MAPK8: variants seen among roughly 807,000 people sequenced by gnomAD.
MAPK8 encodes the protein mitogen-activated protein kinase 8, also known as JUN N-terminal kinase.
Under a neutral mutation model 52.9 loss-of-function variants are expected in MAPK8, and 13 were observed. That is an observed-to-expected ratio of 0.25 (90% CI 0.16 to 0.39). The LOEUF (loss-of-function observed/expected upper bound fraction) is 0.39, where lower values mean the gene tolerates loss of function less well. Ranked by LOEUF, MAPK8 falls within the 10% of genes least tolerant of loss-of-function variation. The probability of loss-of-function intolerance (pLI) is 1.00; values close to 1 mark genes in which losing one functional copy is unlikely to be tolerated. For missense variants in MAPK8, 300 were observed against 519.2 expected (o/e 0.58, Z 4.10); for synonymous variants, 191 against 169.8 (o/e 1.12, Z -0.97).
In MAPK8 at chr10:48,424,155, G is replaced by C; in HGVS notation, c.684G>C (p.Arg228Ser). The C allele has an allele frequency of 6.2e-7, 1 of 1,612,646 alleles. No individual in the cohort carries two copies. Residue 228 changes from arginine (R) to serine (S), a missense_variant, in exon 7 of 12, where the codon AGG (arginine) becomes AGC (serine). Physicochemically the swap from Arg to Ser is moderately radical, Grantham distance 110. This residue lies in a region of MAPK8 where 147 missense variants were observed against 328.1 expected (regional missense o/e 0.45). Coordinates refer to ENST00000374189, the MANE Select transcript of MAPK8 (RefSeq NM_001323329.2). The part of the protein sequence containing the change: ...MVCHKILFPG[R>S]DYIDQWNKVI... ...GCCACAAAATCCTCTTTCCAGGAAG[G>C]GACTGTATCCTTGTGCTGCTGCAGC... is the stretch of plus-strand genomic sequence containing the variant.
intron 1 of MAPK8, among the ~76,000 whole-genome samples, chr10:48,345,585 C>T (rs890515160): frequency 6.6e-6 from 1 of 152,086 alleles, no homozygotes; most frequent in Non-Finnish European, 1.5e-5. Flanking sequence ...TTTCTGCTTC[C>T]AAAATGGGAT....
chr10:48,328,614 T>C (rs1194181343), intron 1 of MAPK8, among the ~76,000 whole-genome samples: 1 of 152,218 alleles, frequency 6.6e-6, no homozygotes, highest in African/African-American at 2.4e-5. Context: ...TTCTTTCATC[T>C]AAACTTTAAA....
chr10:48,341,398 T>G (rs994537591), intron 1 of MAPK8, among the ~76,000 whole-genome samples: 3 of 152,220 alleles, frequency 2.0e-5, no homozygotes, highest in African/African-American at 7.2e-5. Context: ...TATGAAACTT[T>G]TTGAATGCCA....
intron 1 of MAPK8, among the ~76,000 whole-genome samples, chr10:48,345,008 T>C (rs956589677): frequency 1.3e-5 from 2 of 152,102 alleles, no homozygotes; most frequent in African/African-American, 2.4e-5. Flanking sequence ...TTTAAAAAAA[T>C]CCGTGAATGC....
At chr10:48,333,730 A>G (rs529493858) in intron 1 of MAPK8, among the ~76,000 whole-genome samples, 111 of 152,406 alleles carry the variant, frequency 7.3e-4, no homozygotes, top group Non-Finnish European at 1.2e-3. Context: ...GCCTGGGCCT[A>G]GGAAAGCTAA....
At chr10:48,332,210 T>A (rs1208389367) in intron 1 of MAPK8, among the ~76,000 whole-genome samples, 1 of 152,206 alleles carries the variant, frequency 6.6e-6, no homozygotes, top group Non-Finnish European at 1.5e-5. Flanking sequence ...AGTAAATATA[T>A]CAGTCTTCCT....
chr10:48,385,080 C>G lies in MAPK8; in HGVS notation c.-49-16532C>G, dbSNP rs76884159. 6.4e-4 allele frequency among the ~76,000 whole-genome samples: 97 copies of G among 152,282 alleles called. 1 individual carries two copies. The East Asian group carries it at 0.017, about 27-fold the overall frequency. ...AGAAATAACATTGGTTATTTATTGT[C>G]TATACATTGTTGAACTATAGTGTAT... is the stretch of plus-strand genomic sequence containing the variant. On this transcript the variant is annotated intron_variant, in intron 1 of 11. Transcript: ENST00000374189.
chr10:48,373,950 C>A (rs1034642591), intron 1 of MAPK8, among the ~76,000 whole-genome samples: 4 of 152,144 alleles, frequency 2.6e-5, no homozygotes, highest in Middle Eastern at 3.4e-3. Flanking sequence ...TATACGTTCT[C>A]CTCAGCACCA....
chr10:48,323,253 G>A (rs1021708043), intron 1 of MAPK8, among the ~76,000 whole-genome samples: 1 of 152,210 alleles, frequency 6.6e-6, no homozygotes, highest in Non-Finnish European at 1.5e-5. Flanking sequence ...GGGCATTCAT[G>A]TATCAAAGGC....
intron 1 of MAPK8, among the ~76,000 whole-genome samples, chr10:48,390,296 C>T (rs1219901637): frequency 6.6e-6 from 1 of 152,178 alleles, no homozygotes; most frequent in Non-Finnish European, 1.5e-5. Context: ...ATCCAAAACA[C>T]CTTCACAGAA....
At chr10:48,326,628 A>G (rs1486783447) in intron 1 of MAPK8, among the ~76,000 whole-genome samples, 2 of 152,288 alleles carry the variant, frequency 1.3e-5, no homozygotes, top group East Asian at 3.9e-4. Context: ...CTGTATATCT[A>G]TGTGTCTAGA....
intron 1 of MAPK8, among the ~76,000 whole-genome samples, chr10:48,397,090 T>C (rs1158331236): frequency 1.3e-5 from 2 of 151,932 alleles, no homozygotes; most frequent in African/African-American, 4.8e-5. Context: ...TTAACCAAAC[T>C]AGAAATTTTC....
At chr10:48,405,080 T>C (rs2042387580) in intron 3 of MAPK8, 99 bp downstream of exon 3, 3 of 591,956 alleles carry the variant, frequency 5.1e-6, no homozygotes, top group Non-Finnish European at 8.4e-6. Flanking sequence ...TTTAAATTGT[T>C]CTGTATTAAA....
chr10:48,390,381 CATAG>C (rs1362105532), intron 1 of MAPK8, among the ~76,000 whole-genome samples: 1 of 152,108 alleles, frequency 6.6e-6, no homozygotes, highest in African/African-American at 2.4e-5. Flanking sequence ...AATTAACTGT[CATAG>C]ATAGGTCTAT....
In MAPK8 at chr10:48,329,281, C is replaced by T. The variant is rs75440925; in HGVS notation, c.-50+22460C>T. 1.6e-3 allele frequency among the ~76,000 whole-genome samples: 244 copies of T among 152,312 alleles called. 1 individual carries two copies. The highest frequency in any genetic ancestry group is 5.7e-3 in the African/African-American group (235 of 41,550). ...AAGTTGTTTGTGATTCTGCATCTTG[C>T]TTTCCTCTTCTCTTATTAATTATAG... On this transcript the variant is annotated intron_variant, in intron 1 of 11. Transcript: ENST00000374189.
chr10:48,387,510 A>G (rs1564566489), intron 1 of MAPK8, among the ~76,000 whole-genome samples: 6 of 152,150 alleles, frequency 3.9e-5, no homozygotes, highest in Admixed American at 3.9e-4. Flanking sequence ...AAGATTATAT[A>G]TTTTTATAAG....
intron 1 of MAPK8, among the ~76,000 whole-genome samples, chr10:48,391,428 A>G (rs1268686183): frequency 6.6e-6 from 1 of 151,968 alleles, no homozygotes; most frequent in Non-Finnish European, 1.5e-5. Flanking sequence ...TCTCACACAT[A>G]CTCTTGCTGT....
At chr10:48,430,512 A>T (rs764505112) in intron 10 of MAPK8, 3 of 152,418 alleles carry the variant, frequency 2.0e-5, no homozygotes, top group Admixed American at 6.5e-5. Flanking sequence ...TATTAATACC[A>T]GCAGAGCAGC....
At chr10:48,369,920 G>A (rs78081234) in intron 1 of MAPK8, among the ~76,000 whole-genome samples, 3,496 of 152,222 alleles carry the variant, frequency 0.023, 144 homozygotes, top group African/African-American at 0.08. Context: ...TGGGAAACAG[G>A]ATTGAGGACT....
Sources: gnomAD v4.1 joint callset for allele counts (sites outside exome capture counted in the v4.1 genomes callset) on GRCh38, gnomAD v4.1.1 for gene constraint, gnomAD v4.1.1 regional missense constraint, MANE v1.5 for transcripts, NCBI Gene and HGNC (gene_info 2026-07-23, HGNC 2026-07-21) for gene names.